The following SCAI variants were observed in gnomAD, a reference collection of about 807,000 sequenced individuals.
SCAI encodes the protein suppressor of cancer cell invasion.
Under a neutral mutation model 92.2 loss-of-function variants are expected in SCAI, and 24 were observed. That is an observed-to-expected ratio of 0.26 (90% CI 0.19 to 0.37). The LOEUF is 0.37. Among genes scored for constraint, SCAI ranks in the 10% least tolerant of loss-of-function variants. The probability of loss-of-function intolerance (pLI) is 1.00; values close to 1 mark genes in which losing one functional copy is unlikely to be tolerated. For missense variants in SCAI, 450 were observed against 736.2 expected (o/e 0.61, Z 4.50); for synonymous variants, 261 against 258.6 (o/e 1.01, Z -0.09).
chr9:125,004,575 C>A (rs1392934130), intron 9 of SCAI, among the ~76,000 whole-genome samples: 1 of 149,488 alleles, frequency 6.7e-6, no homozygotes, highest in African/African-American at 2.5e-5. Flanking sequence ...GTCATCTGCC[C>A]ACCTCAGCCT....
chr9:124,971,615 C>T, intron 16 of SCAI, 56 bp downstream of exon 16: 1 of 1,454,290 alleles, frequency 6.9e-7, no homozygotes, highest in Non-Finnish European at 9.4e-7. Flanking sequence ...AATAAGTAAC[C>T]ATTTTAAGCC....
intron 7 of SCAI, among the ~76,000 whole-genome samples, chr9:125,020,007 G>A (rs1335521504): frequency 6.7e-6 from 1 of 148,478 alleles, no homozygotes; most frequent in Non-Finnish European, 1.5e-5. Context: ...CCAGGAGGCA[G>A]AGGTTGCAGT....
intron 9 of SCAI, among the ~76,000 whole-genome samples, chr9:125,011,123 C>T (rs1041185655): frequency 1.7e-4 from 26 of 152,188 alleles, no homozygotes; most frequent in African/African-American, 5.3e-4. Context: ...AAAAGCAGAG[C>T]GCCTCTCCTC....
intron 14 of SCAI, among the ~76,000 whole-genome samples, chr9:124,989,136 T>C (rs113997895): frequency 0.017 from 2,530 of 151,892 alleles, 72 homozygotes; most frequent in African/African-American, 0.056. Context: ...TGAAACTCCA[T>C]CTTAAAAAAT....
intron 3 of SCAI, among the ~76,000 whole-genome samples, chr9:125,034,690 G>C (rs1347951223): frequency 6.6e-6 from 1 of 152,198 alleles, no homozygotes; most frequent in South Asian, 2.1e-4. Flanking sequence ...CAAGTCTGCA[G>C]TGAGCTGTGA....
intron 1 of SCAI, 39 bp downstream of exon 1, chr9:125,143,346 A>G: frequency 1.3e-6 from 1 of 740,944 alleles, no homozygotes; most frequent in Non-Finnish European, 1.7e-6. Flanking sequence ...CCTGGCCCCC[A>G]CCCCATCCCC....
At chr9:125,055,205 A>C (rs560252842) in intron 3 of SCAI, among the ~76,000 whole-genome samples, 1 of 152,270 alleles carries the variant, frequency 6.6e-6, no homozygotes, top group African/African-American at 2.4e-5. Context: ...TTCCTATGTA[A>C]ATTTTCAAAA....
At chr9:124,978,092 T>C (rs1049011143) in intron 14 of SCAI, among the ~76,000 whole-genome samples, 1 of 152,062 alleles carries the variant, frequency 6.6e-6, no homozygotes, top group African/African-American at 2.4e-5. Flanking sequence ...AGTCAAATAA[T>C]GAACTGAAGA....
Position 125,141,394 on chromosome 9 carries a change from A to C in SCAI, c.98+1239T>G, listed in dbSNP as rs572757354. Among the ~76,000 whole-genome samples, 36 of 152,376 alleles carry C rather than the reference A, an allele frequency of 2.4e-4. 2 individuals carry two copies. The South Asian group carries it at 7.5e-3, about 32-fold the overall frequency. On this transcript the variant is annotated intron_variant, in intron 2 of 17. Coordinates refer to ENST00000336505, the MANE Select transcript of SCAI (RefSeq NM_001144877.3). The stretch of plus-strand genomic sequence containing the variant: ...GTAGTCCTACTGGTCACATAACTAC[A>C]GTAGCTTACTTTCTCTAGGTCAATG...
Position 124,967,132 on chromosome 9 carries a change from G to A in SCAI, c.1674+4238C>T, listed in dbSNP as rs556356342. ...AGTAAAAATTAAAATGAGGTAATATGGTATAATAGGCTTAACCCAATAAGT... is the reference window on the plus strand; with the variant it reads ...AGTAAAAATTAAAATGAGGTAATATAGTATAATAGGCTTAACCCAATAAGT... On this transcript the variant is annotated intron_variant, in intron 17 of 17. Coordinates refer to ENST00000336505, the MANE Select transcript of SCAI (RefSeq NM_001144877.3). Among the ~76,000 whole-genome samples the A allele has an allele frequency of 3.3e-5, 5 of 152,186 alleles. 1 individual carries two copies. The highest frequency in any genetic ancestry group is 1.2e-4 in the African/African-American group (5 of 41,512).
Position 125,143,369 on chromosome 9 carries a change from C to T in SCAI, c.53+16G>A. On this transcript the variant is annotated intron_variant, in intron 1 of 17. Coordinates refer to ENST00000336505, the MANE Select transcript of SCAI (RefSeq NM_001144877.3). ...CCACCCCATCCCCAACCCCGGCCTC[C>T]ACCCAGCCCCCGCACCTGGGGGCCA... The T allele has an allele frequency of 7.5e-7, 1 of 1,340,584 alleles. No individual in the cohort carries two copies. The highest frequency in any genetic ancestry group is 9.6e-7 in the Non-Finnish European group (1 of 1,045,636). 83.0% of individuals were successfully genotyped at this position (1,340,584 alleles called of 1,614,324 possible).
rs541456049 is a variant in SCAI, at chr9:124,992,394, T to C, written c.1326+2540A>G. Among the ~76,000 whole-genome samples, 177 of 152,010 alleles carry C rather than the reference T, an allele frequency of 1.2e-3. 1 individual carries two copies. The highest frequency in any genetic ancestry group is 4.2e-3 in the African/African-American group (174 of 41,476). ...GGGTTCTCTTTTCATTTCTTTTTTT[T>C]TTTTGTTGAGACAGAATCTCACTCT... On this transcript the variant is annotated intron_variant, in intron 14 of 17. Coordinates refer to ENST00000336505, the MANE Select transcript of SCAI (RefSeq NM_001144877.3).
chr9:125,120,603 G>A (rs1180741530), intron 2 of SCAI, among the ~76,000 whole-genome samples: 1 of 152,212 alleles, frequency 6.6e-6, no homozygotes, highest in African/African-American at 2.4e-5. Context: ...TGAGGCAGGA[G>A]AATCACTTGA....
chr9:125,087,371 C>T (rs989006490), intron 2 of SCAI, among the ~76,000 whole-genome samples: 2 of 152,172 alleles, frequency 1.3e-5, no homozygotes, highest in African/African-American at 2.4e-5. Context: ...AAGACTTGGT[C>T]CTTGCCCTCA....
chr9:125,084,151 G>T (rs1470265806), intron 2 of SCAI, among the ~76,000 whole-genome samples: 1 of 139,096 alleles, frequency 7.2e-6, no homozygotes, highest in Non-Finnish European at 1.5e-5. Flanking sequence ...AGGACTCTTG[G>T]CTGCTGCTTT....
intron 3 of SCAI, among the ~76,000 whole-genome samples, chr9:125,050,836 C>A (rs1332264585): frequency 2.0e-5 from 3 of 152,046 alleles, no homozygotes; most frequent in Non-Finnish European, 2.9e-5. Context: ...TCCCAAAGTG[C>A]TGGGATTACA....
chr9:125,063,201 G>T (rs762180114), intron 2 of SCAI, among the ~76,000 whole-genome samples: 63 of 151,534 alleles, frequency 4.2e-4, no homozygotes, highest in Non-Finnish European at 7.5e-4. Context: ...CTTGGATTGG[G>T]TGTTCGAGAC....
chr9:125,095,079 C>G (rs1300300327), intron 2 of SCAI, among the ~76,000 whole-genome samples: 1 of 152,242 alleles, frequency 6.6e-6, no homozygotes, highest in African/African-American at 2.4e-5. Context: ...CTGTCAGCTC[C>G]TGTAGACATT....
rs776231269 is a variant in SCAI, at chr9:124,971,361, T to C, written c.1674+9A>G. 1 of 1,574,738 alleles carries C rather than the reference T, an allele frequency of 6.4e-7. No homozygotes were observed. The highest frequency in any genetic ancestry group is 8.7e-7 in the Non-Finnish European group (1 of 1,150,810). ...ATAAAATTCGTCTTTAATAATGTTC[T>C]TTGCCTACCCGAAAAATCTTGTGCA... On this transcript the variant is annotated intron_variant, in intron 17 of 17. Transcript: ENST00000336505.
Sources: allele counts gnomAD v4.1 joint callset (sites outside exome capture counted in the v4.1 genomes callset), GRCh38; gene constraint gnomAD v4.1.1; transcripts MANE v1.5; gene names NCBI Gene and HGNC (gene_info 2026-07-23, HGNC 2026-07-21).